THADA: variants seen among roughly 807,000 people sequenced by gnomAD.
THADA encodes THADA armadillo repeat containing.
In THADA, 213 loss-of-function variants were observed where a neutral mutation model predicts 219.8. That is an observed-to-expected ratio of 0.97 (90% CI 0.87 to 1.09). The LOEUF (loss-of-function observed/expected upper bound fraction) is 1.09. Among genes scored for constraint, THADA ranks in the 50% least tolerant of loss-of-function variants. The pLI, the probability that THADA is intolerant of heterozygous loss-of-function variation, is 0.00. For missense variants in THADA, 2,956 were observed against 2,311.3 expected (o/e 1.28, Z -5.72); for synonymous variants, 1,018 against 828.9 (o/e 1.23, Z -3.92).
intron 3 of THADA, among the ~76,000 whole-genome samples, chr2:43,591,557 TC>T (rs746517648): frequency 3.6e-4 from 55 of 151,126 alleles, no homozygotes; most frequent in Admixed American, 9.9e-4. Context: ...TTACTTGCTT[TC>T]CAAAAAAAAA....
At chr2:43,431,356 G>A (rs1679248247) in intron 26 of THADA, among the ~76,000 whole-genome samples, 2 of 151,956 alleles carry the variant, frequency 1.3e-5, no homozygotes, top group Non-Finnish European at 2.9e-5. Context: ...GATCCCCCAT[G>A]CCCCTTCCCA....
In THADA at chr2:43,549,299, T is replaced by C. The variant is rs1276505306; in HGVS notation, c.3017A>G (p.Gln1006Arg). ...QPRDTNDYFN[Q>R]AKILKEHDSF... ...ATCATGTTCTTTCAATATTTTGGCTTGGTTAAAATAATCATTAGTATCTCG... is the reference window on the plus strand; with the variant it reads ...ATCATGTTCTTTCAATATTTTGGCTCGGTTAAAATAATCATTAGTATCTCG... Residue 1006 changes from glutamine (Q) to arginine (R), a missense_variant, in exon 20 of 38, where the codon CAA becomes CGA. By Grantham distance (43) the Gln-to-Arg change is conservative. Coordinates refer to ENST00000405975, the MANE Select transcript of THADA (RefSeq NM_022065.5). 6.2e-7 allele frequency: 1 copy of C among 1,600,668 alleles called. No individual in the cohort carries two copies. The highest frequency in any genetic ancestry group is 1.1e-5 in the South Asian group (1 of 88,254).
At chr2:43,271,603 C>A (rs976610068) in intron 36 of THADA, among the ~76,000 whole-genome samples, 4 of 148,260 alleles carry the variant, frequency 2.7e-5, no homozygotes, top group African/African-American at 1.0e-4. Context: ...AAATCCTACA[C>A]TCTTGGAACT....
At chr2:43,440,326 T>C (rs28700209) in intron 26 of THADA, among the ~76,000 whole-genome samples, 16,850 of 152,208 alleles carry the variant, frequency 0.11, 1,076 homozygotes, top group African/African-American at 0.16. Flanking sequence ...TTGACTGTAA[T>C]TTACTTAATC....
At position 43,566,811 on chromosome 2, in the gene THADA, G is replaced by T; in HGVS notation, c.2198C>A (p.Ser733Ter). Residue 733 changes from serine to a stop codon, truncating the protein, a stop_gained, in exon 15 of 38, where the codon TCA becomes TAA. Coordinates refer to ENST00000405975, the MANE Select transcript of THADA (RefSeq NM_022065.5). LOFTEE classifies it high-confidence loss of function. ...VSLQQYKNFM[S>*]SICNSLFEAL... The stretch of plus-strand genomic sequence containing the variant: ...TTCAAAAAGACTGTTACAAATGGAT[G>T]ACATGAAATTCTTAAAAAAAAAAAA... The T allele has an allele frequency of 3.6e-6, 5 of 1,404,516 alleles. No individual in the cohort carries two copies. The highest frequency in any genetic ancestry group is 1.6e-5 in the South Asian group (1 of 60,946). 87.0% of individuals were successfully genotyped at this position (1,404,516 alleles called of 1,614,324 possible). A position where few individuals can be genotyped will look rare whatever the true frequency, so the allele number is the denominator to read the frequency against.
intron 14 of THADA, 147 bp downstream of exon 14, chr2:43,570,241 C>T (rs1699142847): frequency 2.7e-6 from 2 of 749,262 alleles, no homozygotes; most frequent in Non-Finnish European, 2.1e-6. Context: ...AGTACCAAAG[C>T]ACCAGAAATA....
intron 36 of THADA, among the ~76,000 whole-genome samples, chr2:43,276,445 C>G (rs1672735333): frequency 6.6e-6 from 1 of 152,168 alleles, no homozygotes; most frequent in African/African-American, 2.4e-5. Context: ...ATTATTTTCT[C>G]CAGGCCTTCT....
chr2:43,576,890 A>G, intron 10 of THADA, 132 bp downstream of exon 10: 1 of 768,198 alleles, frequency 1.3e-6, no homozygotes, highest in South Asian at 1.7e-5. Flanking sequence ...CCTGGCCTCA[A>G]GTGATCCTCT....
chr2:43,351,339 T>C (rs1668228855), intron 29 of THADA, among the ~76,000 whole-genome samples: 1 of 152,178 alleles, frequency 6.6e-6, no homozygotes, highest in Non-Finnish European at 1.5e-5. Flanking sequence ...AAAGAACAAT[T>C]TCCCATTCGT....
At chr2:43,450,978 G>A (rs150825130) in intron 26 of THADA, among the ~76,000 whole-genome samples, 19 of 152,234 alleles carry the variant, frequency 1.2e-4, no homozygotes, top group Admixed American at 5.2e-4. Flanking sequence ...AAGGAGTATA[G>A]AGTTTCAGTT....
chr2:43,480,128 T>C (rs554145419), intron 26 of THADA, among the ~76,000 whole-genome samples: 11 of 152,360 alleles, frequency 7.2e-5, no homozygotes, highest in African/African-American at 2.6e-4. Context: ...GCTCGCTTTG[T>C]GTTCTAGTTC....
intron 26 of THADA, among the ~76,000 whole-genome samples, chr2:43,472,217 G>C (rs1684985022): frequency 6.6e-6 from 1 of 152,202 alleles, no homozygotes; most frequent in African/African-American, 2.4e-5. Context: ...AGCCAAGGCT[G>C]AAAACAGAAA....
chr2:43,566,698 C>A lies in THADA; in HGVS notation c.2311G>T (p.Gly771Cys), dbSNP rs1267243029. Residue 771 changes from glycine to cysteine, a missense_variant and splice_region_variant, in exon 15 of 38, where the codon GGC becomes TGC. Transcript: ENST00000405975. Reference sequence around the variant, plus strand: ...TCCCCTAACATTATTAAACACTTACCTTCTGGGACATGAAAAACTTCAGCT... The same window carrying A: ...TCCCCTAACATTATTAAACACTTACATTCTGGGACATGAAAAACTTCAGCT... ...SIAEVFHVPE[G>C]RIYTVYQLSH... is the part of the protein sequence containing the mutation. The A allele has an allele frequency of 1.2e-6, 2 of 1,607,080 alleles. No individual in the cohort carries two copies. The highest frequency in any genetic ancestry group is 4.5e-5 in the East Asian group (2 of 44,678).
chr2:43,450,346 C>T (rs760484586), intron 26 of THADA, among the ~76,000 whole-genome samples: 14 of 151,940 alleles, frequency 9.2e-5, no homozygotes, highest in South Asian at 2.1e-4. Context: ...TCTGTGACAT[C>T]GGTAACTGAA....
chr2:43,443,102 G>A (rs1681053646), intron 26 of THADA, among the ~76,000 whole-genome samples: 1 of 151,876 alleles, frequency 6.6e-6, no homozygotes, highest in Non-Finnish European at 1.5e-5. Flanking sequence ...TGCTTATTTT[G>A]CCCACTAGAT....
At chr2:43,445,440 T>C (rs112258625) in intron 26 of THADA, among the ~76,000 whole-genome samples, 1 of 152,140 alleles carries the variant, frequency 6.6e-6, no homozygotes, top group African/African-American at 2.4e-5. Flanking sequence ...AACAAAACAA[T>C]GAGTGATCAG....
intron 7 of THADA, among the ~76,000 whole-genome samples, chr2:43,583,601 A>C (rs1700688601): frequency 6.6e-6 from 1 of 152,250 alleles, no homozygotes; most frequent in African/African-American, 2.4e-5. Context: ...TCAAAGATAT[A>C]CTTGTATATC....
At chr2:43,262,840 C>A (rs545089644) in intron 36 of THADA, among the ~76,000 whole-genome samples, 1 of 152,320 alleles carries the variant, frequency 6.6e-6, no homozygotes, top group South Asian at 2.1e-4. Context: ...CTTACCTAGG[C>A]CCACAGAAAC....
chr2:43,364,210 C>T (rs1316803783), intron 29 of THADA, among the ~76,000 whole-genome samples: 1 of 151,998 alleles, frequency 6.6e-6, no homozygotes, highest in Non-Finnish European at 1.5e-5. Flanking sequence ...GCAACAGGAC[C>T]AGACCTTGTC....
Sources: allele counts gnomAD v4.1 joint callset (sites outside exome capture counted in the v4.1 genomes callset), GRCh38; gene constraint gnomAD v4.1.1; transcripts MANE v1.5; gene names NCBI Gene and HGNC (gene_info 2026-07-23, HGNC 2026-07-21).